The following AK3 variants were observed in gnomAD, a reference collection of about 807,000 sequenced individuals.
AK3 encodes adenylate kinase 3.
Under a neutral mutation model 23.7 loss-of-function variants are expected in AK3, and 27 were observed. The ratio of observed to expected loss-of-function variants is 1.14; its 90% CI spans 0.84 to 1.57. The LOEUF is 1.57. Among genes scored for constraint, AK3 ranks in the 40% most tolerant of loss-of-function variants. The pLI, the probability that AK3 is intolerant of heterozygous loss-of-function variation, is 0.00. For missense variants in AK3, 406 were observed against 285.6 expected, an observed-to-expected ratio of 1.42 and a Z score of -3.04; for synonymous variants, 159 against 116.0, an observed-to-expected ratio of 1.37 and a Z score of -2.38.
At chr9:4,722,744 C>T in intron 1 of AK3, 119 bp from the exon 2 acceptor site, 1 of 1,432,346 alleles carries the variant, frequency 7.0e-7, no homozygotes, top group East Asian at 2.3e-5. Context: ...AAATGTGCAT[C>T]ATCAACTTTT....
At chr9:4,714,616 G>A (rs918379011) in intron 4 of AK3, among the ~76,000 whole-genome samples, 1 of 152,098 alleles carries the variant, frequency 6.6e-6, no homozygotes, top group Non-Finnish European at 1.5e-5. Flanking sequence ...TAATTACTGA[G>A]GGCACAATTG....
chr9:4,718,995 G>A, intron 3 of AK3, 140 bp downstream of exon 3: 1 of 946,014 alleles, frequency 1.1e-6, no homozygotes, highest in Non-Finnish European at 1.6e-6. Context: ...GACTTGATCA[G>A]TCAACTCTAC....
intron 1 of AK3, among the ~76,000 whole-genome samples, chr9:4,724,317 T>G (rs1460343628): frequency 6.6e-6 from 1 of 152,146 alleles, no homozygotes; most frequent in Non-Finnish European, 1.5e-5. Context: ...ACACCTGTTA[T>G]TGGCCTCTCC....
intron 1 of AK3, among the ~76,000 whole-genome samples, chr9:4,728,956 T>C (rs1374168450): frequency 1.4e-5 from 2 of 141,962 alleles, no homozygotes; most frequent in East Asian, 2.0e-4. Flanking sequence ...TACATATATA[T>C]ACACATACAT....
At chr9:4,713,448 A>G (rs1294395873) in intron 4 of AK3, among the ~76,000 whole-genome samples, 1 of 152,196 alleles carries the variant, frequency 6.6e-6, no homozygotes, top group Non-Finnish European at 1.5e-5. Flanking sequence ...TAATAAAATC[A>G]TCCCTTTGTA....
intron 1 of AK3, among the ~76,000 whole-genome samples, chr9:4,736,787 C>G (rs568856635): frequency 1.3e-5 from 2 of 151,774 alleles, no homozygotes; most frequent in Admixed American, 6.5e-5. Flanking sequence ...AAACAATCCT[C>G]TCGCCTCAGC....
chr9:4,727,173 T>C (rs1028225767), intron 1 of AK3, among the ~76,000 whole-genome samples: 8 of 152,324 alleles, frequency 5.3e-5, no homozygotes, highest in African/African-American at 1.9e-4. Context: ...ATTTTTGGAA[T>C]GGTAAATGAG....
At chr9:4,738,771 T>C (rs1216379122) in intron 1 of AK3, among the ~76,000 whole-genome samples, 1 of 137,100 alleles carries the variant, frequency 7.3e-6, no homozygotes, top group African/African-American at 3.1e-5. Flanking sequence ...CTTTTTTTTT[T>C]TTTTTTTTTT....
intron 4 of AK3, among the ~76,000 whole-genome samples, chr9:4,717,954 G>A (rs1181272158): frequency 6.6e-6 from 1 of 152,190 alleles, no homozygotes; most frequent in Non-Finnish European, 1.5e-5. Context: ...GTAATCAGTG[G>A]AATCCTTCCC....
chr9:4,736,772 A>G (rs413085), intron 1 of AK3, among the ~76,000 whole-genome samples: 150,100 of 152,018 alleles, frequency 0.99, 74,133 homozygotes, highest in East Asian at 1. Flanking sequence ...CGAACTCCTG[A>G]GTTCAAACAA....
chr9:4,732,314 TATATC>T (rs1006607805), intron 1 of AK3, among the ~76,000 whole-genome samples: 67 of 152,304 alleles, frequency 4.4e-4, no homozygotes, highest in African/African-American at 1.5e-3. Context: ...ATACAATACA[TATATC>T]ATATGAAATA....
intron 1 of AK3, among the ~76,000 whole-genome samples, chr9:4,735,926 C>A (rs141226053): frequency 2.4e-4 from 37 of 151,276 alleles, no homozygotes; most frequent in African/African-American, 8.2e-4. Flanking sequence ...ACCAGCCCGG[C>A]TAACATGGTG....
At chr9:4,719,938 C>G (rs3858043) in intron 2 of AK3, among the ~76,000 whole-genome samples, 74,855 of 151,764 alleles carry the variant, frequency 0.49, 18,640 homozygotes, top group South Asian at 0.56. Flanking sequence ...GATGGCAGGT[C>G]CCTGTAATCC....
chr9:4,713,947 C>CGCCTACACATAT (rs1245352613), intron 4 of AK3, among the ~76,000 whole-genome samples: 1 of 3,884 alleles, frequency 2.6e-4, no homozygotes, highest in African/African-American at 5.4e-4. Context: ...TCCACATATA[C>CGCCTACACATAT]ACGCCTACAC....
At position 4,740,980 on chromosome 9, in the gene AK3, G is replaced by A. The variant is rs370723156; in HGVS notation, c.108C>T (p.Leu36=). The stretch of plus-strand genomic sequence containing the variant: ...TGTCCCGGAGCAGGTCCCCGCTGGA[G>A]AGGTGCTTCAGCTCGAAGTGTGTAG... The part of the protein sequence containing the change: ...RITTHFELKH[L]SSGDLLRDNM... The change falls in exon 1 of 5, where the codon CTC becomes CTT. Residue 36 remains leucine (L), a synonymous_variant. Transcript: ENST00000381809. 15 of 1,589,238 alleles carry A rather than the reference G, an allele frequency of 9.4e-6. No homozygotes were observed. Among genetic ancestry groups the A allele is most frequent in the Non-Finnish European group, 1.3e-5 (15 of 1,170,098 alleles).
rs893752313 is a variant in AK3 at position 4,710,449 on chromosome 9, G to A, written c.*2527C>T. ...TTAGCCAGGATGGTCTCGATCTCCT[G>A]ACCTCGTGATCCGCCCGCCTCGGCC... is the stretch of plus-strand genomic sequence containing the variant. On this transcript the variant is annotated 3_prime_UTR_variant, in exon 5 of 5. Coordinates refer to ENST00000381809, the MANE Select transcript of AK3 (RefSeq NM_016282.4). 1.3e-5 allele frequency: 2 copies of A among 148,200 alleles called. No individual in the cohort carries two copies. Among genetic ancestry groups the A allele is most frequent in the African/African-American group, 5.0e-5 (2 of 40,362 alleles). The allele number at this position is 148,200 out of a possible 1,614,324, so 9.2% of individuals were successfully genotyped here.
At chr9:4,720,102 T>C (rs1355899700) in intron 2 of AK3, among the ~76,000 whole-genome samples, 2 of 151,966 alleles carry the variant, frequency 1.3e-5, no homozygotes, top group Admixed American at 6.5e-5. Flanking sequence ...ATTTCTGAAA[T>C]ATGACAAAAT....
At chr9:4,714,640 G>A (rs910865546) in intron 4 of AK3, among the ~76,000 whole-genome samples, 4 of 152,116 alleles carry the variant, frequency 2.6e-5, no homozygotes, top group African/African-American at 4.8e-5. Flanking sequence ...GCACCTATTC[G>A]ATCCTAAATC....
At chr9:4,715,437 C>T (rs578090606) in intron 4 of AK3, among the ~76,000 whole-genome samples, 21 of 150,152 alleles carry the variant, frequency 1.4e-4, no homozygotes, top group Admixed American at 3.3e-4. Flanking sequence ...CTGACACCCG[C>T]GCTCTAGACT....
Sources: gnomAD v4.1 joint callset for allele counts (sites outside exome capture counted in the v4.1 genomes callset) on GRCh38, gnomAD v4.1.1 for gene constraint, MANE v1.5 for transcripts, NCBI Gene and HGNC (gene_info 2026-07-23, HGNC 2026-07-21) for gene names.